GRAMD4: variants seen among roughly 807,000 people sequenced by gnomAD.
The protein encoded by GRAMD4 is GRAM domain containing 4.
A neutral mutation model predicts 83.9 loss-of-function variants in GRAMD4; 25 were observed. That is an observed-to-expected ratio of 0.30 (90% CI 0.22 to 0.42). GRAMD4 has a LOEUF of 0.42. Ranked by LOEUF, GRAMD4 falls within the 10% of genes least tolerant of loss-of-function variation. The pLI is 1.00. For missense variants in GRAMD4, 593 were observed against 788.7 expected, an observed-to-expected ratio of 0.75 and a Z score of 2.97; for synonymous variants, 336 against 320.9, an observed-to-expected ratio of 1.05 and a Z score of -0.50.
intron 14 of GRAMD4, 141 bp downstream of exon 14, chr22:46,673,138 T>G (rs1371851477): frequency 3.2e-5 from 23 of 715,190 alleles, no homozygotes; most frequent in Non-Finnish European, 3.8e-5. Context: ...ACTTGAGGGT[T>G]TTTTTTTTCC....
At chr22:46,601,034 C>T (rs1341692087) in intron 1 of GRAMD4, among the ~76,000 whole-genome samples, 2 of 152,128 alleles carry the variant, frequency 1.3e-5, no homozygotes, top group African/African-American at 2.4e-5. Flanking sequence ...GTCCCAGCTA[C>T]TCGGGAGACT....
In GRAMD4 at chr22:46,659,782, G is replaced by A. The variant is rs575381149; in HGVS notation, c.404+1475G>A. 2.6e-5 allele frequency among the ~76,000 whole-genome samples: 4 copies of A among 152,302 alleles called. No individual in the cohort carries two copies. Among genetic ancestry groups the A allele is most frequent in the East Asian group, 1.9e-4 (1 of 5,184 alleles). ...GGGAGAGGCCTCACTTTCCTATTCC[G>A]CCCTGGCAGAACCTCCCAGACCAGA... On this transcript the variant is annotated intron_variant, in intron 4 of 18. Transcript: ENST00000406902. This position sits in a 1 kb window ranked among gnomAD's most constrained non-coding sequence, Gnocchi z 4.1.
chr22:46,600,901 T>C (rs1185452238), intron 1 of GRAMD4, among the ~76,000 whole-genome samples: 1 of 152,158 alleles, frequency 6.6e-6, no homozygotes, highest in Non-Finnish European at 1.5e-5. Context: ...ATCCCAGCAC[T>C]TTGGGAGGCC....
chr22:46,651,850 G>T lies in GRAMD4; in HGVS notation c.284-6337G>T, dbSNP rs189446972. Among the ~76,000 whole-genome samples, 117 of 152,320 alleles carry T rather than the reference G, an allele frequency of 7.7e-4. 2 individuals are homozygous for T. The East Asian group carries it at 0.02, about 25-fold the overall frequency. On this transcript the variant is annotated intron_variant, in intron 3 of 18. Transcript: ENST00000406902. ...CCTTTGAGGGCGGAGCTGGAGGTGG[G>T]GGGGAGAGAGACGGAGCTAGGGGCT...
At position 46,636,729 on chromosome 22, in the gene GRAMD4, G is replaced by A. The variant is rs368208783; in HGVS notation, c.163-1111G>A. Among the ~76,000 whole-genome samples the A allele has an allele frequency of 5.3e-5, 8 of 152,218 alleles. No homozygotes were observed. In the East Asian group the frequency reaches 9.7e-4, roughly 18 times the overall value. On this transcript the variant is annotated intron_variant, in intron 2 of 18. Transcript: ENST00000406902. ...CCTGGCAGGATGCAACGTGGAGGGC[G>A]ACTGTGTGGCATCCAGTGTGGGGCC...
In GRAMD4 at chr22:46,678,801, G is replaced by A. The variant is rs1307633083; in HGVS notation, c.*1550G>A. ...GGTTTCACCCCCTTCACGAGGGGCC[G>A]CAGAGTCACACGCTGGTGCCGGGGG... On this transcript the variant is annotated 3_prime_UTR_variant, in exon 19 of 19. Coordinates refer to ENST00000406902, the MANE Select transcript of GRAMD4 (RefSeq NM_015124.5). 3.5e-5 allele frequency: 35 copies of A among 986,098 alleles called. No homozygotes were observed. Among genetic ancestry groups the A allele is most frequent in the Non-Finnish European group, 4.2e-5 (35 of 830,062 alleles). 61.1% of individuals were successfully genotyped at this position (986,098 alleles called of 1,614,324 possible).
At chr22:46,634,475 G>A (rs1364452270) in intron 2 of GRAMD4, among the ~76,000 whole-genome samples, 2 of 152,246 alleles carry the variant, frequency 1.3e-5, no homozygotes, top group Non-Finnish European at 2.9e-5. Flanking sequence ...CAGCTGTGCA[G>A]GAGCAAGGGT....
intron 3 of GRAMD4, among the ~76,000 whole-genome samples, chr22:46,651,461 C>T (rs376626476): frequency 1.1e-4 from 16 of 152,228 alleles, no homozygotes; most frequent in African/African-American, 3.4e-4. Flanking sequence ...TTGCGGGCCA[C>T]GGCTCCTATC....
chr22:46,661,492 C>A, intron 5 of GRAMD4, 50 bp downstream of exon 5: 1 of 1,247,006 alleles, frequency 8.0e-7, no homozygotes, highest in Non-Finnish European at 1.2e-6. Context: ...TGGGTGGCTG[C>A]GCGTCACCTG....
At chr22:46,585,476 C>T (rs2081140643) in intron 1 of GRAMD4, among the ~76,000 whole-genome samples, 1 of 152,210 alleles carries the variant, frequency 6.6e-6, no homozygotes, top group East Asian at 1.9e-4. Context: ...AGGCGTGAGC[C>T]ACCGCGCCCG....
chr22:46,593,172 C>G (rs1260960119), intron 1 of GRAMD4, among the ~76,000 whole-genome samples: 2 of 152,034 alleles, frequency 1.3e-5, no homozygotes, highest in Non-Finnish European at 2.9e-5. Flanking sequence ...TTACCAGTAC[C>G]AGTAGCAGAA....
chr22:46,675,481 G>A lies in GRAMD4; in HGVS notation c.1492G>A (p.Glu498Lys), dbSNP rs752673399. The change falls in exon 17 of 19, where the codon GAA becomes AAA. Residue 498 changes from glutamate (E) to lysine (K), a missense_variant. Transcript: ENST00000406902. ...TTCCCCTTCCAGTTACTTGTGCTTC[G>A]AAAGCTCCAAATCTGGGTCCTCAAA... Reference protein sequence around the residue: ...LYVTENYLCFESSKSGSSKRN... With the variant: ...LYVTENYLCFKSSKSGSSKRN... 1 of 1,612,274 alleles carries A rather than the reference G, an allele frequency of 6.2e-7. No homozygotes were observed. Among genetic ancestry groups the A allele is most frequent in the South Asian group, 1.1e-5 (1 of 91,050 alleles).
rs544259517 is a variant in GRAMD4, at chr22:46,674,124, G to A, written c.1384+310G>A. ...GAGGCCTCAGGGCCTGCAGGGCGCT[G>A]GCAGGGGGTCTGCCCCTGGTTCCAT... is the stretch of plus-strand genomic sequence containing the variant. On this transcript the variant is annotated intron_variant, in intron 15 of 18. Coordinates refer to ENST00000406902, the MANE Select transcript of GRAMD4 (RefSeq NM_015124.5). Among the ~76,000 whole-genome samples, 15 of 152,372 alleles carry A rather than the reference G, an allele frequency of 9.8e-5. No homozygotes were observed. The South Asian group carries it at 3.1e-3, about 32-fold the overall frequency.
upstream of GRAMD4, among the ~76,000 whole-genome samples, chr22:46,615,852 G>A (rs2081480316): frequency 7.2e-6 from 1 of 139,698 alleles, no homozygotes; most frequent in African/African-American, 2.7e-5. Context: ...TCCCCCGTGT[G>A]TAGGTTCCCC....
chr22:46,665,541 G>A (rs540847229), intron 8 of GRAMD4, 74 bp from the exon 9 acceptor site: 3 of 797,798 alleles, frequency 3.8e-6, no homozygotes, highest in South Asian at 3.0e-5. Flanking sequence ...CGCCTGGTGG[G>A]GGGAGGCGGG....
intron 2 of GRAMD4, among the ~76,000 whole-genome samples, chr22:46,627,876 G>A (rs552670018): frequency 2.1e-3 from 318 of 152,390 alleles, no homozygotes; most frequent in African/African-American, 7.5e-3. Flanking sequence ...GCTTCCTGGG[G>A]CATCACTACA....
rs1449599918 is a variant in GRAMD4 at position 46,673,133 on chromosome 22, A to AG, written c.1239+139dup. ...CAATTTTATAGACTCCTTAAACTTG[A>AG]GGGTTTTTTTTTTCCCTGTTACCAC... On this transcript the variant is annotated intron_variant, in intron 14 of 18. Coordinates refer to ENST00000406902, the MANE Select transcript of GRAMD4 (RefSeq NM_015124.5). The AG allele has an allele frequency of 7.8e-5, 58 of 744,702 alleles. No homozygotes were observed. In the Middle Eastern group the frequency reaches 1.2e-3, roughly 15 times the overall value. 46.1% of individuals were successfully genotyped at this position (744,702 alleles called of 1,614,324 possible).
At position 46,633,356 on chromosome 22, in the gene GRAMD4, C is replaced by T. The variant is rs748418726; in HGVS notation, c.163-4484C>T. ...GAATAGAGCTGTTTAAAGTGTGGCT[C>T]CCTCTCCTGCCCTCCCTGGGGAGCC... On this transcript the variant is annotated intron_variant, in intron 2 of 18. Coordinates refer to ENST00000406902, the MANE Select transcript of GRAMD4 (RefSeq NM_015124.5). 1.3e-4 allele frequency among the ~76,000 whole-genome samples: 20 copies of T among 152,204 alleles called. 1 individual carries two copies. The highest frequency in any genetic ancestry group is 2.4e-4 in the Non-Finnish European group (16 of 68,028).
chr22:46,676,890 G>A (rs541423391), intron 18 of GRAMD4, among the ~76,000 whole-genome samples: 34 of 152,366 alleles, frequency 2.2e-4, no homozygotes, highest in African/African-American at 7.9e-4. Context: ...CAGGGATGTT[G>A]GGCACAGGGG....
Sources: gnomAD v4.1 joint callset for allele counts (sites outside exome capture counted in the v4.1 genomes callset) on GRCh38, gnomAD v4.1.1 for gene constraint, Gnocchi (gnomAD v3.1) non-coding constraint, MANE v1.5 for transcripts, NCBI Gene and HGNC (gene_info 2026-07-23, HGNC 2026-07-21) for gene names.